EML5: variants seen among roughly 807,000 people sequenced by gnomAD.
EML5 encodes the protein echinoderm microtubule-associated protein-like 5.
In EML5, 120 loss-of-function variants were observed where a neutral mutation model predicts 250.0. The observed-to-expected ratio is 0.48, with a 90% CI of 0.41 to 0.56. The LOEUF (loss-of-function observed/expected upper bound fraction) is 0.56, where lower values mean the gene tolerates loss of function less well. Ranked by LOEUF, EML5 falls within the 20% of genes least tolerant of loss-of-function variation. EML5 has a pLI of 0.00. For synonymous variants in EML5, 771 were observed against 806.5 expected, an observed-to-expected ratio of 0.96 and a Z score of 0.75; for missense variants, 2,006 against 2,437.6, an observed-to-expected ratio of 0.82 and a Z score of 3.73.
intron 2 of EML5, among the ~76,000 whole-genome samples, chr14:88,753,117 A>G (rs779662639): frequency 6.6e-6 from 1 of 152,118 alleles, no homozygotes. Context: ...TATTGTTTGT[A>G]ACACACACCC....
chr14:88,726,342 G>A (rs1013805704), intron 8 of EML5, among the ~76,000 whole-genome samples, 199 bp downstream of exon 8: 2 of 151,760 alleles, frequency 1.3e-5, no homozygotes, highest in African/African-American at 4.8e-5. Context: ...TTTATTTTTC[G>A]GACAAAGCTA....
chr14:88,649,881 A>G (rs1239304733), intron 28 of EML5, 31 bp downstream of exon 28: 1 of 1,472,548 alleles, frequency 6.8e-7, no homozygotes, highest in Admixed American at 2.5e-5. Flanking sequence ...TAAATTTTTG[A>G]ATAAAATATT....
At chr14:88,653,036 T>A (rs1191767188) in intron 27 of EML5, among the ~76,000 whole-genome samples, 3 of 152,204 alleles carry the variant, frequency 2.0e-5, no homozygotes, top group African/African-American at 4.8e-5. Flanking sequence ...GTTGTATTCC[T>A]AGGTATTTTA....
chr14:88,668,359 A>T (rs1434993528), intron 21 of EML5, among the ~76,000 whole-genome samples: 1 of 152,154 alleles, frequency 6.6e-6, no homozygotes, highest in Non-Finnish European at 1.5e-5. Context: ...AAGGAAACAG[A>T]AAAAGGGAGT....
Position 88,626,910 on chromosome 14 carries a change from A to G in EML5, c.4668T>C (p.Leu1556=), listed in dbSNP as rs369341388. Residue 1556 remains leucine, a synonymous_variant, in exon 35 of 44, where the codon CTT becomes CTC. Coordinates refer to ENST00000554922, the MANE Select transcript of EML5 (RefSeq NM_183387.3). ...KFWTLAGRAL[L]SKKGLLSTLE... is the part of the protein sequence containing the mutation. ...GTGTGCTCAGTAGCCCTTTTTTGCT[A>G]AGAAGAGCTCTTCCTGCCAGGGTCC... The G allele has an allele frequency of 1.2e-5, 20 of 1,613,928 alleles. No homozygotes were observed. In the African/African-American group the frequency reaches 1.9e-4, roughly 15 times the overall value.
chr14:88,658,666 T>C (rs1449247422), intron 25 of EML5, among the ~76,000 whole-genome samples: 4 of 152,164 alleles, frequency 2.6e-5, no homozygotes, highest in Non-Finnish European at 4.4e-5. Flanking sequence ...AGCATAAAAA[T>C]GTTCTTGTAT....
At chr14:88,712,138 A>G in intron 10 of EML5, 133 bp downstream of exon 10, 5 of 644,752 alleles carry the variant, frequency 7.8e-6, no homozygotes, top group Non-Finnish European at 1.3e-5. Flanking sequence ...TTTGAATTAG[A>G]AAAATGAAAC....
At chr14:88,782,610 C>T (rs894204940) in intron 1 of EML5, among the ~76,000 whole-genome samples, 2 of 152,166 alleles carry the variant, frequency 1.3e-5, no homozygotes, top group African/African-American at 4.8e-5. Context: ...AGACTTGGTG[C>T]CCTGTGTCCC....
chr14:88,624,943 T>C (rs765491266), intron 36 of EML5, 27 bp downstream of exon 36: 5 of 1,610,946 alleles, frequency 3.1e-6, no homozygotes, highest in Non-Finnish European at 3.4e-6. Context: ...AATGCATAAA[T>C]ATTCTGTGAA....
intron 34 of EML5, chr14:88,627,430 T>C: frequency 1.9e-6 from 1 of 521,570 alleles, no homozygotes. Context: ...ATAATGCTAA[T>C]AATGGTTTCA....
rs1045680246 is a variant in EML5, at chr14:88,614,520, G to A, written c.*1298C>T. On this transcript the variant is annotated 3_prime_UTR_variant, in exon 44 of 44. Coordinates refer to ENST00000554922, the MANE Select transcript of EML5 (RefSeq NM_183387.3). ...TCCTGTCAGACCAAATGGGATTCCA[G>A]GAACCTAAAGCGATCTATTATGCTA... The A allele has an allele frequency of 6.6e-6, 1 of 152,046 alleles. No homozygotes were observed. Among genetic ancestry groups the A allele is most frequent in the African/African-American group, 2.4e-5 (1 of 41,388 alleles). The allele number at this position is 152,046 out of a possible 1,614,324, so 9.4% of individuals were successfully genotyped here.
At chr14:88,736,294 T>C (rs948820373) in intron 7 of EML5, 70 bp downstream of exon 7, 4 of 1,555,416 alleles carry the variant, frequency 2.6e-6, no homozygotes, top group East Asian at 2.2e-5. Context: ...CCACAGTGCC[T>C]GGCCATGTTT....
intron 34 of EML5, 145 bp downstream of exon 34, chr14:88,627,501 C>T: frequency 1.4e-6 from 1 of 710,158 alleles, no homozygotes; most frequent in Non-Finnish European, 2.2e-6. Context: ...AATATACCTA[C>T]AGTACCACTG....
chr14:88,777,066 T>C (rs1265824816), intron 1 of EML5, among the ~76,000 whole-genome samples: 1 of 151,986 alleles, frequency 6.6e-6, no homozygotes, highest in Non-Finnish European at 1.5e-5. Context: ...TAGAGAAAGA[T>C]ATCAGTATCC....
At chr14:88,692,494 T>C (rs2092983599) in intron 17 of EML5, among the ~76,000 whole-genome samples, 1 of 152,176 alleles carries the variant, frequency 6.6e-6, no homozygotes, top group Admixed American at 6.5e-5. Flanking sequence ...TTATATTAGG[T>C]ATTATCGGTA....
chr14:88,634,389 A>G (rs2090607098), intron 33 of EML5, 80 bp downstream of exon 33: 1 of 935,078 alleles, frequency 1.1e-6, no homozygotes, highest in Admixed American at 3.5e-5. Flanking sequence ...GAACGGACTA[A>G]TATACTTGAA....
In EML5 at chr14:88,729,558, G is replaced by GTT. The variant is rs111605174; in HGVS notation, c.1050-2882_1050-2881dup. Among the ~76,000 whole-genome samples the GTT allele has an allele frequency of 1.4e-4, 21 of 148,462 alleles. No individual in the cohort carries two copies. The South Asian group carries it at 1.9e-3, about 14-fold the overall frequency. On this transcript the variant is annotated intron_variant, in intron 7 of 43. Transcript: ENST00000554922. ...GGAAGTATAGGCATATACTTATTTG[G>GTT]TTTTTTGTTTTTTGTTTTTTTGAGA...
chr14:88,626,431 G>A (rs1259042309), intron 35 of EML5: 8 of 181,844 alleles, frequency 4.4e-5, no homozygotes, highest in Non-Finnish European at 8.2e-5. Context: ...GACCACCTAG[G>A]CAACATAGCG....
intron 1 of EML5, among the ~76,000 whole-genome samples, chr14:88,786,289 T>C (rs148809981): frequency 4.2e-4 from 64 of 152,294 alleles, no homozygotes; most frequent in African/African-American, 1.5e-3. Context: ...TATACATATA[T>C]ACATGCATAT....
Sources: allele counts gnomAD v4.1 joint callset (sites outside exome capture counted in the v4.1 genomes callset), GRCh38; gene constraint gnomAD v4.1.1; transcripts MANE v1.5; gene names NCBI Gene and HGNC (gene_info 2026-07-23, HGNC 2026-07-21).